Variants in MED13L observed in about 807,000 individuals in gnomAD.
The protein encoded by MED13L is mediator complex subunit 13L.
In MED13L, 7 loss-of-function variants were observed where a neutral mutation model predicts 220.9. The observed-to-expected ratio is 0.03, with a 90% CI of 0.02 to 0.06. The LOEUF (loss-of-function observed/expected upper bound fraction) is 0.06, where lower values mean the gene tolerates loss of function less well. Among genes scored for constraint, MED13L ranks in the 10% least tolerant of loss-of-function variants. The probability of loss-of-function intolerance (pLI) is 1.00; values close to 1 mark genes in which losing one functional copy is unlikely to be tolerated. For missense variants in MED13L, 1,965 were observed against 2,760.5 expected (o/e 0.71, Z 6.46); for synonymous variants, 1,011 against 1,015.2 (o/e 1.00, Z 0.08).
intron 7 of MED13L, 52 bp from the exon 8 acceptor site, chr12:116,015,326 C>T: frequency 1.9e-6 from 3 of 1,553,052 alleles, no homozygotes; most frequent in Non-Finnish European, 2.7e-6. Context: ...AGGTTTCCTA[C>T]TTCATAGACT....
intron 4 of MED13L, among the ~76,000 whole-genome samples, chr12:116,049,368 T>C (rs1882020294): frequency 6.6e-6 from 1 of 152,198 alleles, no homozygotes; most frequent in Admixed American, 6.5e-5. Context: ...AGATTTTTAT[T>C]AGCCAAAACA....
intron 3 of MED13L, among the ~76,000 whole-genome samples, chr12:116,106,314 CACAA>C (rs1431619572): frequency 8.5e-5 from 13 of 152,054 alleles, no homozygotes; most frequent in South Asian, 4.2e-4. Context: ...TATTAAGAAC[CACAA>C]ACAAAGAACG....
intron 17 of MED13L, among the ~76,000 whole-genome samples, chr12:115,988,088 A>G (rs933456863): frequency 6.6e-6 from 1 of 152,210 alleles, no homozygotes; most frequent in Non-Finnish European, 1.5e-5. Context: ...GTGAATCTGC[A>G]CAGCTGGATT....
At chr12:116,047,887 G>T (rs1171176002) in intron 4 of MED13L, among the ~76,000 whole-genome samples, 1 of 152,154 alleles carries the variant, frequency 6.6e-6, no homozygotes, top group Non-Finnish European at 1.5e-5. Flanking sequence ...TCAATAGTAT[G>T]GAAAGGATAG....
At chr12:115,974,313 G>A (rs1018011661) in intron 25 of MED13L, among the ~76,000 whole-genome samples, 2 of 152,200 alleles carry the variant, frequency 1.3e-5, no homozygotes, top group African/African-American at 4.8e-5. Context: ...AAGCCACCAA[G>A]CTAATCTGTG....
chr12:116,139,081 C>G (rs1185461668), intron 2 of MED13L, among the ~76,000 whole-genome samples: 2 of 152,190 alleles, frequency 1.3e-5, no homozygotes, highest in Non-Finnish European at 2.9e-5. Flanking sequence ...AGAGACTGGA[C>G]TGTAGATGAG....
intron 2 of MED13L, 91 bp from the exon 3 acceptor site, chr12:116,111,603 G>C: frequency 2.2e-6 from 2 of 925,082 alleles, no homozygotes; most frequent in South Asian, 3.1e-5. Context: ...CTAAAGCAAA[G>C]TTCATGAGTT....
intron 2 of MED13L, among the ~76,000 whole-genome samples, chr12:116,143,309 G>C (rs1877235371): frequency 6.6e-6 from 1 of 150,584 alleles, no homozygotes; most frequent in African/African-American, 2.4e-5. Context: ...TGAGCCCAGG[G>C]GACACAGCAA....
intron 2 of MED13L, among the ~76,000 whole-genome samples, chr12:116,191,378 T>C (rs921916851): frequency 6.6e-6 from 1 of 152,166 alleles, no homozygotes; most frequent in Admixed American, 6.5e-5. Flanking sequence ...TCACCCAGGC[T>C]GGAGTGAAGC....
At chr12:116,084,739 T>G (rs1038658490) in intron 4 of MED13L, among the ~76,000 whole-genome samples, 1 of 149,126 alleles carries the variant, frequency 6.7e-6, no homozygotes, top group Middle Eastern at 3.2e-3. Context: ...GAGCCACCAG[T>G]CTCCAGCCTG....
chr12:116,252,749 C>T (rs890935560), intron 1 of MED13L, among the ~76,000 whole-genome samples: 4 of 151,566 alleles, frequency 2.6e-5, no homozygotes, highest in African/African-American at 9.7e-5. Flanking sequence ...GTAAAATTAA[C>T]AAATGCTCAT....
intron 2 of MED13L, among the ~76,000 whole-genome samples, chr12:116,231,666 ATATTAAAT>A (rs1440915752): frequency 6.6e-6 from 1 of 152,206 alleles, no homozygotes; most frequent in Non-Finnish European, 1.5e-5. Flanking sequence ...AATTATATCG[ATATTAAAT>A]TTCTTGAGCA....
rs991223293 is a variant in MED13L at position 116,248,875 on chromosome 12, A to T, written c.73-11170T>A. Among the ~76,000 whole-genome samples the T allele has an allele frequency of 3.3e-5, 5 of 152,264 alleles. No individual in the cohort carries two copies. The East Asian group carries it at 7.7e-4, about 23-fold the overall frequency. On this transcript the variant is annotated intron_variant, in intron 1 of 30. Transcript: ENST00000281928. The stretch of plus-strand genomic sequence containing the variant: ...CAACTATAAACAACCAGAAAACTGG[A>T]CAGAATATATAAAATTACTGTTTTC...
chr12:116,059,195 G>T (rs1566035836), intron 4 of MED13L, among the ~76,000 whole-genome samples: 1 of 152,134 alleles, frequency 6.6e-6, no homozygotes, highest in African/African-American at 2.4e-5. Flanking sequence ...AGCCTCCCAA[G>T]TGGTTGGGAC....
chr12:116,246,514 T>C (rs989480346), intron 1 of MED13L, among the ~76,000 whole-genome samples: 13 of 150,928 alleles, frequency 8.6e-5, no homozygotes, highest in Non-Finnish European at 1.3e-4. Context: ...ATGAGTTAAG[T>C]TTTAGAAAAG....
intron 3 of MED13L, among the ~76,000 whole-genome samples, chr12:116,110,427 C>G (rs1873985327): frequency 6.6e-6 from 1 of 151,834 alleles, no homozygotes; most frequent in African/African-American, 2.4e-5. Context: ...CTCTTCCTTA[C>G]AACAGGATGC....
At chr12:116,037,812 C>T (rs1443268717) in intron 4 of MED13L, among the ~76,000 whole-genome samples, 2 of 152,148 alleles carry the variant, frequency 1.3e-5, no homozygotes, top group Non-Finnish European at 2.9e-5. Flanking sequence ...GAGGCCGTGA[C>T]TCAGTATGTC....
At chr12:116,229,714 T>C (rs1365637621) in intron 2 of MED13L, among the ~76,000 whole-genome samples, 1 of 152,234 alleles carries the variant, frequency 6.6e-6, no homozygotes, top group Non-Finnish European at 1.5e-5. Context: ...GATCTTACCA[T>C]AATTTTACAA....
intron 2 of MED13L, among the ~76,000 whole-genome samples, chr12:116,223,517 G>A (rs778876719): frequency 2.7e-4 from 41 of 151,746 alleles, no homozygotes; most frequent in Non-Finnish European, 5.5e-4. Flanking sequence ...AGAATCAGCC[G>A]AACATGGCGA....
Sources: allele counts gnomAD v4.1 joint callset (sites outside exome capture counted in the v4.1 genomes callset), GRCh38; gene constraint gnomAD v4.1.1; transcripts MANE v1.5; gene names NCBI Gene and HGNC (gene_info 2026-07-23, HGNC 2026-07-21).